The following CNOT10 variants were observed in gnomAD, a reference collection of about 807,000 sequenced individuals.
CNOT10 encodes the protein CCR4-NOT transcription complex, subunit 10.
CNOT10 carries 30 observed loss-of-function variants against 94.6 expected under a neutral mutation model. The observed-to-expected ratio is 0.32, with a 90% CI of 0.24 to 0.43. The LOEUF (loss-of-function observed/expected upper bound fraction) is 0.43, where lower values mean the gene tolerates loss of function less well. Among genes scored for constraint, CNOT10 ranks in the 20% least tolerant of loss-of-function variants. The probability of loss-of-function intolerance (pLI) is 1.00; values close to 1 mark genes in which losing one functional copy is unlikely to be tolerated. For missense variants in CNOT10, 759 were observed against 877.2 expected (o/e 0.87, Z 1.70); for synonymous variants, 289 against 301.6 (o/e 0.96, Z 0.43).
intron 13 of CNOT10, among the ~76,000 whole-genome samples, chr3:32,745,987 G>A (rs911130336): frequency 6.6e-6 from 1 of 152,192 alleles, no homozygotes; most frequent in East Asian, 1.9e-4. Flanking sequence ...GTGAGACCCT[G>A]TCTCAAACCA....
At chr3:32,695,844 TATAAATA>T (rs1459396832) in intron 1 of CNOT10, 1 of 1,520,956 alleles carries the variant, frequency 6.6e-7, no homozygotes, top group South Asian at 1.2e-5. Flanking sequence ...AGTCAGTAGT[TATAAATA>T]ATAAATGTTT....
At chr3:32,717,264 T>G in intron 7 of CNOT10, 27 bp downstream of exon 7, 1 of 1,408,952 alleles carries the variant, frequency 7.1e-7, no homozygotes, top group Non-Finnish European at 1.0e-6. Context: ...CTTTTGTTTT[T>G]CAATTTGTGT....
intron 8 of CNOT10, among the ~76,000 whole-genome samples, chr3:32,721,766 C>T (rs568104701): frequency 6.6e-6 from 1 of 151,574 alleles, no homozygotes; most frequent in East Asian, 1.9e-4. Flanking sequence ...CCTGCCTCAG[C>T]CTCCCGAGTA....
At chr3:32,758,873 A>T (rs926998342) in intron 13 of CNOT10, among the ~76,000 whole-genome samples, 1 of 152,168 alleles carries the variant, frequency 6.6e-6, no homozygotes, top group African/African-American at 2.4e-5. Context: ...TTTTTCCTTC[A>T]GTATTCCTTT....
chr3:32,708,502 T>C (rs1697726278), intron 3 of CNOT10, among the ~76,000 whole-genome samples, 168 bp from the exon 4 acceptor site: 1 of 152,220 alleles, frequency 6.6e-6, no homozygotes, highest in African/African-American at 2.4e-5. Flanking sequence ...AGAATGAAAA[T>C]AATTTTTAGT....
chr3:32,710,459 T>C (rs998676683), intron 4 of CNOT10, among the ~76,000 whole-genome samples: 1 of 152,148 alleles, frequency 6.6e-6, no homozygotes, highest in Non-Finnish European at 1.5e-5. Context: ...GCATTTGTTA[T>C]AATTGATAAA....
intron 1 of CNOT10, among the ~76,000 whole-genome samples, chr3:32,687,440 T>TTTTTTTG (rs1696657469): frequency 3.1e-5 from 1 of 32,082 alleles, no homozygotes; most frequent in Non-Finnish European, 5.7e-5. Context: ...GTCCTCACGG[T>TTTTTTTG]TTTTTTTTTT....
chr3:32,771,418 T>C (rs890389089), intron 18 of CNOT10, among the ~76,000 whole-genome samples: 2 of 152,086 alleles, frequency 1.3e-5, no homozygotes, highest in African/African-American at 4.8e-5. Context: ...CTAGCCAACA[T>C]GGTAAAACCC....
intron 13 of CNOT10, among the ~76,000 whole-genome samples, chr3:32,740,214 C>T (rs1420627122): frequency 6.7e-6 from 1 of 149,562 alleles, no homozygotes; most frequent in Non-Finnish European, 1.5e-5. Context: ...TAATCCCAGC[C>T]CTTTGGGAGG....
rs755972812 is a variant in CNOT10, at chr3:32,764,746, C to G, written c.1941C>G (p.Phe647Leu). 1.9e-6 allele frequency: 3 copies of G among 1,614,140 alleles called. No individual in the cohort carries two copies. The highest frequency in any genetic ancestry group is 8.5e-7 in the Non-Finnish European group (1 of 1,180,018). ...ACTCTGCCAGGACTGTGATGCTGTT[C>G]AACCTTGGCAGCGCTTACTGCCTGA... The part of the protein sequence containing the change: ...SVNSARTVML[F>L]NLGSAYCLRS... Residue 647 changes from phenylalanine (F) to leucine (L), a missense_variant, in exon 17 of 19, where the codon TTC becomes TTG. Phe to Leu is a conservative substitution (Grantham distance 22). Transcript: ENST00000328834.
At chr3:32,690,640 G>A (rs749107836) in intron 1 of CNOT10, among the ~76,000 whole-genome samples, 6 of 151,664 alleles carry the variant, frequency 4.0e-5, no homozygotes, top group South Asian at 2.1e-4. Context: ...TCCGCCTCCC[G>A]GGTTCACACC....
At chr3:32,691,787 G>A (rs975398581) in intron 1 of CNOT10, among the ~76,000 whole-genome samples, 1 of 152,156 alleles carries the variant, frequency 6.6e-6, no homozygotes, top group Non-Finnish European at 1.5e-5. Context: ...CAGGCATGGC[G>A]CCTCACGCCT....
In CNOT10 at chr3:32,693,310, G is replaced by A. The variant is rs115407057; in HGVS notation, c.22+7828G>A. Among the ~76,000 whole-genome samples, 953 of 150,258 alleles carry A rather than the reference G, an allele frequency of 6.3e-3. 8 individuals carry two copies. The highest frequency in any genetic ancestry group is 0.022 in the African/African-American group (915 of 41,010). The stretch of plus-strand genomic sequence containing the variant: ...TGGCTCACCGCAGCCTCGACCTCCC[G>A]GATTCAAGTGATCCTCCCACCCCAA... On this transcript the variant is annotated intron_variant, in intron 1 of 18. Coordinates refer to ENST00000328834, the MANE Select transcript of CNOT10 (RefSeq NM_015442.3).
At chr3:32,687,036 A>G (rs1696629879) in intron 1 of CNOT10, among the ~76,000 whole-genome samples, 1 of 152,172 alleles carries the variant, frequency 6.6e-6, no homozygotes, top group South Asian at 2.1e-4. Context: ...CACAGTGATT[A>G]GGGGACTGTT....
intron 1 of CNOT10, among the ~76,000 whole-genome samples, chr3:32,700,620 T>A (rs767107222): frequency 3.3e-5 from 5 of 152,222 alleles, no homozygotes; most frequent in Non-Finnish European, 5.9e-5. Context: ...GAAAAAGGGT[T>A]TTCTTATCCC....
At chr3:32,710,247 C>G (rs866785196) in intron 4 of CNOT10, among the ~76,000 whole-genome samples, 3 of 148,396 alleles carry the variant, frequency 2.0e-5, no homozygotes, top group Non-Finnish European at 3.0e-5. Flanking sequence ...ATCAACTAGT[C>G]AGTATTCACA....
At chr3:32,771,739 A>C (rs1700917093) in intron 18 of CNOT10, among the ~76,000 whole-genome samples, 1 of 152,192 alleles carries the variant, frequency 6.6e-6, no homozygotes, top group Admixed American at 6.5e-5. Context: ...TTATCTGAGA[A>C]AATACAGAAT....
chr3:32,703,824 A>G, intron 1 of CNOT10, 44 bp from the exon 2 acceptor site: 1 of 1,413,168 alleles, frequency 7.1e-7, no homozygotes, highest in Non-Finnish European at 1.0e-6. Context: ...GGACCACTGT[A>G]CAACTTTTAT....
intron 4 of CNOT10, among the ~76,000 whole-genome samples, chr3:32,710,831 C>T (rs1438066667): frequency 6.6e-6 from 1 of 152,170 alleles, no homozygotes; most frequent in South Asian, 2.1e-4. Context: ...AGCGATCCTC[C>T]CACCCCAGCC....
Sources: gnomAD v4.1 joint callset for allele counts (sites outside exome capture counted in the v4.1 genomes callset) on GRCh38, gnomAD v4.1.1 for gene constraint, MANE v1.5 for transcripts, NCBI Gene and HGNC (gene_info 2026-07-23, HGNC 2026-07-21) for gene names.